ZNF439: variants seen among roughly 807,000 people sequenced by gnomAD.
ZNF439 encodes the protein zinc finger protein 439.
A neutral mutation model predicts 47.3 loss-of-function variants in ZNF439; 40 were observed. That is an observed-to-expected ratio of 0.85 (90% CI 0.66 to 1.10). The LOEUF is 1.10. Ranked by LOEUF, ZNF439 falls within the 50% of genes least tolerant of loss-of-function variation. The pLI is 0.00. For synonymous variants in ZNF439, 171 were observed against 198.8 expected (o/e 0.86, Z 1.18); for missense variants, 556 against 601.1 (o/e 0.93, Z 0.78).
At chr19:11,853,716 T>A (rs1360188638) in intron 1 of ZNF439, among the ~76,000 whole-genome samples, 1 of 152,174 alleles carries the variant, frequency 6.6e-6, no homozygotes, top group Non-Finnish European at 1.5e-5. Flanking sequence ...CCAACATCTC[T>A]CCCTTTCTGT....
At chr19:11,865,854 C>G (rs1976663797) in intron 1 of ZNF439, 2 of 267,980 alleles carry the variant, frequency 7.5e-6, no homozygotes, top group Non-Finnish European at 1.3e-5. Flanking sequence ...ATGGAGAAAC[C>G]CTGTCTCTAC....
At chr19:11,862,402 T>C (rs2145175122) in intron 1 of ZNF439, among the ~76,000 whole-genome samples, 1 of 151,996 alleles carries the variant, frequency 6.6e-6, no homozygotes, top group East Asian at 1.9e-4. Flanking sequence ...GTAGATACAG[T>C]GTGAGAACTC....
intron 1 of ZNF439, among the ~76,000 whole-genome samples, chr19:11,855,692 A>G (rs924371212): frequency 2.0e-5 from 3 of 152,184 alleles, no homozygotes; most frequent in Non-Finnish European, 4.4e-5. Context: ...ACATATGCCC[A>G]ATATGTTTTT....
chr19:11,868,314 T>C lies in ZNF439; in HGVS notation c.1260T>C (p.Cys420=), dbSNP rs544557925. 25 of 1,603,442 alleles carry C rather than the reference T, an allele frequency of 1.6e-5. No individual in the cohort carries two copies. Among genetic ancestry groups the C allele is most frequent in the Non-Finnish European group, 2.1e-5 (25 of 1,171,328 alleles). The change falls in exon 4 of 4, where the codon TGT becomes TGC. Residue 420 remains cysteine (C), a synonymous_variant. Coordinates refer to ENST00000682736, the MANE Select transcript of ZNF439 (RefSeq NM_001348719.2). ...TGEKPYECKQ[C]GKAFRSAPNL... is the part of the protein sequence containing the mutation. ...AGAAACCCTATGAGTGTAAGCAATGTGGGAAAGCCTTCAGATCTGCCCCAA... is the reference window on the plus strand; with the variant it reads ...AGAAACCCTATGAGTGTAAGCAATGCGGGAAAGCCTTCAGATCTGCCCCAA...
rs771021847 is a variant in ZNF439, at chr19:11,867,839, A to G, written c.785A>G (p.His262Arg). 2 of 1,613,562 alleles carry G rather than the reference A, an allele frequency of 1.2e-6. No homozygotes were observed. The highest frequency in any genetic ancestry group is 1.7e-5 in the Admixed American group (1 of 59,944). The stretch of plus-strand genomic sequence containing the variant: ...AAATCTTTTAGTTATTCTGCTACCC[A>G]TCGAATACATGAAAGAACTCACATT... ...CGKSFSYSAT[H>R]RIHERTHIGE... Residue 262 changes from histidine (H) to arginine (R), a missense_variant, in exon 4 of 4, where the codon CAT (histidine) becomes CGT (arginine). Physicochemically the swap from His to Arg is conservative, Grantham distance 29. Coordinates refer to ENST00000682736, the MANE Select transcript of ZNF439 (RefSeq NM_001348719.2).
intron 1 of ZNF439, 127 bp downstream of exon 1, chr19:11,849,057 C>T: frequency 8.1e-7 from 1 of 1,229,302 alleles, no homozygotes; most frequent in Non-Finnish European, 1.0e-6. Flanking sequence ...GGCCCTCGGT[C>T]CCCGCGGCCG....
chr19:11,854,225 G>C (rs542339750), intron 1 of ZNF439, among the ~76,000 whole-genome samples: 1 of 152,164 alleles, frequency 6.6e-6, no homozygotes, highest in Non-Finnish European at 1.5e-5. Flanking sequence ...AGTTCTGCAC[G>C]TACTGAACTG....
chr19:11,852,594 C>A (rs1379985594), intron 1 of ZNF439, among the ~76,000 whole-genome samples: 1 of 152,194 alleles, frequency 6.6e-6, no homozygotes, highest in African/African-American at 2.4e-5. Flanking sequence ...ACTGCAGCCT[C>A]CACCTCCTAG....
At chr19:11,851,834 G>A (rs1160679605) in intron 1 of ZNF439, among the ~76,000 whole-genome samples, 1 of 151,932 alleles carries the variant, frequency 6.6e-6, no homozygotes, top group African/African-American at 2.4e-5. Context: ...TTTTTATGGA[G>A]GTGGGGTCTC....
chr19:11,862,310 G>T (rs931166153), intron 1 of ZNF439, among the ~76,000 whole-genome samples: 1 of 152,108 alleles, frequency 6.6e-6, no homozygotes. Flanking sequence ...AGCCTGGTGT[G>T]ATGCCTCATC....
chr19:11,867,252 A>G (rs1161562915), intron 3 of ZNF439, 54 bp from the exon 4 acceptor site: 3 of 1,565,490 alleles, frequency 1.9e-6, no homozygotes, highest in African/African-American at 2.8e-5. Flanking sequence ...TTGCTGATTA[A>G]TATAAAATTA....
At chr19:11,856,833 T>C (rs1976399391) in intron 1 of ZNF439, 1 of 152,234 alleles carries the variant, frequency 6.6e-6, no homozygotes, top group Non-Finnish European at 1.5e-5. Flanking sequence ...CAGGGAGTTG[T>C]ATGTGAGAGC....
intron 1 of ZNF439, among the ~76,000 whole-genome samples, chr19:11,862,847 C>G (rs934116003): frequency 2.0e-5 from 3 of 151,884 alleles, no homozygotes; most frequent in Non-Finnish European, 4.4e-5. Context: ...CTCCCCAGTT[C>G]CAGTGATTCT....
chr19:11,864,250 G>A (rs1976614565), intron 1 of ZNF439, among the ~76,000 whole-genome samples: 1 of 152,072 alleles, frequency 6.6e-6, no homozygotes, highest in South Asian at 2.1e-4. Context: ...GGCTCAAATG[G>A]GTTAAGGCTT....
Position 11,860,969 on chromosome 19 carries a change from G to T in ZNF439, c.64-5236G>T, listed in dbSNP as rs142982449. The stretch of plus-strand genomic sequence containing the variant: ...ATGCTGAGTTGGTCACGACCCTCAA[G>T]TCTTTGGCTCCCAACCCTTAGGTAG... On this transcript the variant is annotated intron_variant, in intron 1 of 3. Coordinates refer to ENST00000682736, the MANE Select transcript of ZNF439 (RefSeq NM_001348719.2). Among the ~76,000 whole-genome samples, 22 of 152,308 alleles carry T rather than the reference G, an allele frequency of 1.4e-4. No homozygotes were observed. In the East Asian group the frequency reaches 3.7e-3, roughly 25 times the overall value.
In ZNF439 at chr19:11,868,177, C is replaced by T. The variant is rs1237320241; in HGVS notation, c.1123C>T (p.Gln375Ter). 8.1e-6 allele frequency: 13 copies of T among 1,613,714 alleles called. No individual in the cohort carries two copies. The highest frequency in any genetic ancestry group is 1.0e-5 in the Non-Finnish European group (12 of 1,179,956). ...AGGCTTTTATTCTGCCAAGTCATTT[C>T]AAAGACATGAAAAAACTCACAGTGG... ...GKGFYSAKSF[Q>*]RHEKTHSGEK... Residue 375 changes from glutamine (Q) to a stop codon, truncating the protein, a stop_gained, in exon 4 of 4, where the codon CAA becomes TAA. Transcript: ENST00000682736. LOFTEE classifies it high-confidence loss of function.
chr19:11,866,696 C>T, intron 3 of ZNF439, 99 bp downstream of exon 3: 1 of 1,267,924 alleles, frequency 7.9e-7, no homozygotes, highest in Non-Finnish European at 1.1e-6. Flanking sequence ...AGTCCAGGAT[C>T]AAGTTCATTT....
chr19:11,851,803 C>T (rs1221571927), intron 1 of ZNF439, among the ~76,000 whole-genome samples: 1 of 152,056 alleles, frequency 6.6e-6, no homozygotes, highest in East Asian at 1.9e-4. Context: ...CGCCCACTAC[C>T]ACACCTGGGT....
In ZNF439 at chr19:11,868,251, C is replaced by G; in HGVS notation, c.1197C>G (p.Ser399=). The change falls in exon 4 of 4, where the codon TCC becomes TCG. Residue 399 remains serine, a synonymous_variant. Coordinates refer to ENST00000682736, the MANE Select transcript of ZNF439 (RefSeq NM_001348719.2). ...AATGTGGTAAAGCCTTCACTCGTTC[C>G]GGTTCCTTTCGATATCATGAAAGGA... ...CKQCGKAFTR[S]GSFRYHERTH... The G allele has an allele frequency of 6.2e-7, 1 of 1,613,520 alleles. No homozygotes were observed.
Sources: allele counts gnomAD v4.1 joint callset (sites outside exome capture counted in the v4.1 genomes callset), GRCh38; gene constraint gnomAD v4.1.1; transcripts MANE v1.5; gene names NCBI Gene and HGNC (gene_info 2026-07-23, HGNC 2026-07-21).